CLEC4C: variants seen among roughly 807,000 people sequenced by gnomAD.
The protein encoded by CLEC4C is C-type (calcium dependent, carbohydrate-recognition domain) lectin, superfamily member 11.
A neutral mutation model predicts 27.7 loss-of-function variants in CLEC4C; 17 were observed. The observed-to-expected ratio is 0.61, with a 90% CI of 0.42 to 0.92. The LOEUF is 0.92. Among genes scored for constraint, CLEC4C ranks in the 40% least tolerant of loss-of-function variants. The pLI is 0.00. For synonymous variants in CLEC4C, 80 were observed against 80.8 expected (o/e 0.99, Z 0.06); for missense variants, 244 against 257.3 (o/e 0.95, Z 0.35).
intron 4 of CLEC4C, among the ~76,000 whole-genome samples, chr12:7,734,199 C>G (rs1864667272): frequency 6.6e-6 from 1 of 152,150 alleles, no homozygotes; most frequent in South Asian, 2.1e-4. Context: ...TCTATTCATT[C>G]ATTCATTGAA....
intron 4 of CLEC4C, among the ~76,000 whole-genome samples, chr12:7,734,437 T>C (rs761331215): frequency 5.6e-4 from 86 of 152,252 alleles, no homozygotes; most frequent in Non-Finnish European, 8.7e-4. Flanking sequence ...CATTTGGATA[T>C]TGTAGAAATT....
chr12:7,734,363 G>A (rs942443087), intron 4 of CLEC4C, among the ~76,000 whole-genome samples: 2 of 152,142 alleles, frequency 1.3e-5, no homozygotes, highest in East Asian at 1.9e-4. Context: ...CCAGAGCCAA[G>A]AAAGAGGTAA....
intron 5 of CLEC4C, 116 bp downstream of exon 5, chr12:7,730,681 A>G: frequency 1.8e-6 from 1 of 556,374 alleles, no homozygotes. Context: ...TGTCAAATAG[A>G]CCTAGGTTTT....
chr12:7,734,135 C>G (rs763120707), intron 4 of CLEC4C, among the ~76,000 whole-genome samples: 2 of 152,110 alleles, frequency 1.3e-5, no homozygotes, highest in Non-Finnish European at 2.9e-5. Flanking sequence ...TGAACATATA[C>G]GAGACATTGT....
chr12:7,732,910 T>G (rs747436257), intron 4 of CLEC4C, among the ~76,000 whole-genome samples: 2 of 151,776 alleles, frequency 1.3e-5, no homozygotes, highest in Non-Finnish European at 2.9e-5. Context: ...ATCGCGCCAC[T>G]GCACTCCAGT....
intron 3 of CLEC4C, among the ~76,000 whole-genome samples, chr12:7,739,015 G>C (rs1864792675): frequency 7.3e-6 from 1 of 136,586 alleles, no homozygotes; most frequent in Non-Finnish European, 1.5e-5. Flanking sequence ...CTGTGTCCAA[G>C]TGTTCTCATT....
At chr12:7,742,638 A>G (rs752613771) in intron 2 of CLEC4C, among the ~76,000 whole-genome samples, 1 of 151,532 alleles carries the variant, frequency 6.6e-6, no homozygotes, top group South Asian at 2.1e-4. Context: ...GTGAAACCCC[A>G]TCTCTACTAA....
intron 2 of CLEC4C, among the ~76,000 whole-genome samples, chr12:7,743,814 A>G (rs1864914207): frequency 6.6e-6 from 1 of 151,992 alleles, no homozygotes; most frequent in African/African-American, 2.4e-5. Context: ...CCGTTTTTGC[A>G]TTGCTATAAA....
At chr12:7,742,686 A>G (rs1427623004) in intron 2 of CLEC4C, among the ~76,000 whole-genome samples, 3 of 149,798 alleles carry the variant, frequency 2.0e-5, no homozygotes, top group Non-Finnish European at 4.4e-5. Flanking sequence ...ACACGTGTCT[A>G]TTAATCCCAG....
At chr12:7,741,397 T>C (rs1864851029) in intron 3 of CLEC4C, 24 bp downstream of exon 3, 2 of 1,242,306 alleles carry the variant, frequency 1.6e-6, no homozygotes, top group Admixed American at 1.7e-5. Context: ...AAGGGAAGTC[T>C]TGTTGCCCAT....
At chr12:7,740,049 G>C (rs1864818094) in intron 3 of CLEC4C, among the ~76,000 whole-genome samples, 1 of 151,788 alleles carries the variant, frequency 6.6e-6, no homozygotes, top group African/African-American at 2.4e-5. Flanking sequence ...GGTTAGGCTG[G>C]TGTCGAACTC....
chr12:7,746,491 C>T (rs1864986119), intron 1 of CLEC4C, 68 bp from the exon 2 acceptor site: 5 of 968,734 alleles, frequency 5.2e-6, no homozygotes, highest in Non-Finnish European at 8.1e-6. Context: ...AACCAGAGTC[C>T]CAAAAATCTT....
upstream of CLEC4C, among the ~76,000 whole-genome samples, chr12:7,748,602 C>T (rs1451987403): frequency 6.6e-6 from 1 of 152,118 alleles, no homozygotes; most frequent in Non-Finnish European, 1.5e-5. Flanking sequence ...CCTTTCTAAG[C>T]TGTATACTTG....
chr12:7,736,348 G>GA (rs1864725869), intron 4 of CLEC4C, among the ~76,000 whole-genome samples: 1 of 152,092 alleles, frequency 6.6e-6, no homozygotes, highest in African/African-American at 2.4e-5. Context: ...AAGGACAGAA[G>GA]AAACTGTTTA....
chr12:7,742,918 T>G (rs1864890012), intron 2 of CLEC4C, among the ~76,000 whole-genome samples: 1 of 152,216 alleles, frequency 6.6e-6, no homozygotes, highest in Non-Finnish European at 1.5e-5. Flanking sequence ...CAAGCCGTAC[T>G]GTTTTTTTCT....
Position 7,746,430 on chromosome 12 carries a change from G to C in CLEC4C, c.32-7C>G. 3 of 1,593,686 alleles carry C rather than the reference G, an allele frequency of 1.9e-6. No homozygotes were observed. The highest frequency in any genetic ancestry group is 2.6e-6 in the Non-Finnish European group (3 of 1,161,942). On this transcript the variant is annotated splice_polypyrimidine_tract_variant and splice_region_variant and intron_variant, in intron 1 of 5. Coordinates refer to ENST00000360345, the MANE Select transcript of CLEC4C (RefSeq NM_001371390.1). ...AACCACCAGAGTCCTTTCTCTGTCA[G>C]ATCAGCATGACAAATGCACAGTCAT...
intron 4 of CLEC4C, among the ~76,000 whole-genome samples, chr12:7,733,137 A>G (rs2120369742): frequency 6.6e-6 from 1 of 152,146 alleles, no homozygotes; most frequent in Non-Finnish European, 1.5e-5. Flanking sequence ...ATTTAGAAAG[A>G]TAAAGTTGTC....
At chr12:7,746,213 C>T in intron 2 of CLEC4C, 118 bp downstream of exon 2, 1 of 412,266 alleles carries the variant, frequency 2.4e-6, no homozygotes, top group South Asian at 2.8e-5. Context: ...GATTCCGTCT[C>T]AAAAAAAAAA....
chr12:7,746,571 T>C lies in CLEC4C; in HGVS notation c.32-148A>G, dbSNP rs753762872. ...AAAATGTGAAAGCAAAAAGAGATTATAGAAATTATCTCAGAACAAATGACC... is the reference window on the plus strand; with the variant it reads ...AAAATGTGAAAGCAAAAAGAGATTACAGAAATTATCTCAGAACAAATGACC... On this transcript the variant is annotated intron_variant, in intron 1 of 5. Coordinates refer to ENST00000360345, the MANE Select transcript of CLEC4C (RefSeq NM_001371390.1). 111 of 598,086 alleles carry C rather than the reference T, an allele frequency of 1.9e-4. No homozygotes were observed. The African/African-American group carries it at 1.9e-3, about 10-fold the overall frequency. The allele number at this position is 598,086 out of a possible 1,614,324, so 37.0% of individuals were successfully genotyped here.
Sources: gnomAD v4.1 joint callset for allele counts (sites outside exome capture counted in the v4.1 genomes callset) on GRCh38, gnomAD v4.1.1 for gene constraint, MANE v1.5 for transcripts, NCBI Gene and HGNC (gene_info 2026-07-23, HGNC 2026-07-21) for gene names.